The following UNC80 variants were observed in gnomAD, a reference collection of about 807,000 sequenced individuals.
The protein encoded by UNC80 is unc-80 subunit of NALCN channel complex, also known as protein unc-80 homolog.
UNC80 carries 164 observed loss-of-function variants against 384.6 expected under a neutral mutation model. The ratio of observed to expected loss-of-function variants is 0.43; its 90% CI spans 0.38 to 0.49. The LOEUF (loss-of-function observed/expected upper bound fraction) is 0.49, where lower values mean the gene tolerates loss of function less well. UNC80 is among the 20% of genes least tolerant of loss of function. The probability of loss-of-function intolerance (pLI) is 0.00; values close to 1 mark genes in which losing one functional copy is unlikely to be tolerated. For synonymous variants in UNC80, 1,486 were observed against 1,527.8 expected, an observed-to-expected ratio of 0.97 and a Z score of 0.64; for missense variants, 3,330 against 4,143.0, an observed-to-expected ratio of 0.80 and a Z score of 5.39.
At chr2:209,889,256 A>T (rs2086113632) in intron 26 of UNC80, among the ~76,000 whole-genome samples, 1 of 152,218 alleles carries the variant, frequency 6.6e-6, no homozygotes, top group African/African-American at 2.4e-5. Context: ...GACCTAGAAA[A>T]GTTATTTATG....
chr2:209,986,082 T>C (rs917209699), intron 61 of UNC80, among the ~76,000 whole-genome samples: 2 of 152,140 alleles, frequency 1.3e-5, no homozygotes, highest in African/African-American at 4.8e-5. Context: ...AGCAGGAGCT[T>C]TGGGGGCAAG....
intron 61 of UNC80, among the ~76,000 whole-genome samples, chr2:209,985,623 C>T (rs1405733947): frequency 6.6e-6 from 1 of 152,218 alleles, no homozygotes; most frequent in Non-Finnish European, 1.5e-5. Flanking sequence ...GAAAAGGGGA[C>T]TGCACCTTTA....
intron 22 of UNC80, among the ~76,000 whole-genome samples, chr2:209,857,002 C>G (rs893560776): frequency 6.6e-6 from 1 of 152,056 alleles, no homozygotes; most frequent in Admixed American, 6.6e-5. Context: ...ATTGGTCAGG[C>G]TGATCTAGAA....
intron 22 of UNC80, among the ~76,000 whole-genome samples, chr2:209,864,462 G>C (rs970167390): frequency 1.3e-5 from 2 of 152,202 alleles, no homozygotes; most frequent in African/African-American, 4.8e-5. Context: ...TCAGAGGAAA[G>C]GCTAAGTCTG....
chr2:209,944,196 C>T (rs531171695), intron 45 of UNC80, among the ~76,000 whole-genome samples: 205 of 152,288 alleles, frequency 1.3e-3, no homozygotes, highest in South Asian at 4.8e-3. Context: ...TAGACCAACT[C>T]TACAGTTTTT....
At chr2:209,809,730 C>G (rs768776974) in intron 7 of UNC80, 53 of 470,418 alleles carry the variant, frequency 1.1e-4, no homozygotes, top group Admixed American at 1.1e-3. Context: ...ATCAGCCGCA[C>G]GGGACTTTGA....
intron 28 of UNC80, among the ~76,000 whole-genome samples, chr2:209,897,557 G>A (rs1195802283): frequency 6.6e-6 from 1 of 152,030 alleles, no homozygotes; most frequent in African/African-American, 2.4e-5. Flanking sequence ...GAATCACCCT[G>A]ACGATTTTAA....
At chr2:209,829,871 ATACT>A (rs1559159154) in intron 15 of UNC80, among the ~76,000 whole-genome samples, 1 of 152,236 alleles carries the variant, frequency 6.6e-6, no homozygotes. Flanking sequence ...TGACACACAC[ATACT>A]TAATTTTTTT....
Position 209,872,545 on chromosome 2 carries a change from C to G in UNC80, c.3628-213C>G, listed in dbSNP as rs766991066. Among the ~76,000 whole-genome samples, 1 of 152,114 alleles carries G rather than the reference C, an allele frequency of 6.6e-6. No individual in the cohort carries two copies. Among genetic ancestry groups the G allele is most frequent in the Admixed American group, 6.6e-5 (1 of 15,264 alleles). On this transcript the variant is annotated intron_variant, in intron 22 of 64. Transcript: ENST00000673920. This position sits in a 1 kb window ranked among gnomAD's most constrained non-coding sequence, Gnocchi z 4.1. ...CAGAAACCTACCTAAAATGTCTAAT[C>G]CTTCAAGATCCACATTTTTGGGGGG... is the stretch of plus-strand genomic sequence containing the variant.
At chr2:209,780,663 A>G (rs777213804) in intron 4 of UNC80, among the ~76,000 whole-genome samples, 31 of 152,300 alleles carry the variant, frequency 2.0e-4, no homozygotes, top group South Asian at 1.0e-3. Flanking sequence ...TGCCAACCAC[A>G]GATGACTCCA....
chr2:209,880,938 G>A (rs2085234706), intron 24 of UNC80, 23 bp from the exon 25 acceptor site: 2 of 1,550,718 alleles, frequency 1.3e-6, no homozygotes, highest in Admixed American at 2.0e-5. Flanking sequence ...GTCTCCTTAT[G>A]AAAGAACACT....
chr2:209,914,078 G>A, intron 31 of UNC80, 138 bp downstream of exon 31: 1 of 1,075,306 alleles, frequency 9.3e-7, no homozygotes, highest in African/African-American at 1.6e-5. Flanking sequence ...GTAGACTCTA[G>A]AGCTGTGTGC....
In UNC80 at chr2:209,875,023, C is replaced by T. The variant is rs189396549; in HGVS notation, c.3840+2053C>T. Among the ~76,000 whole-genome samples the T allele has an allele frequency of 5.5e-4, 84 of 152,294 alleles. 1 individual carries two copies. The highest frequency in any genetic ancestry group is 9.3e-4 in the Non-Finnish European group (63 of 68,020). On this transcript the variant is annotated intron_variant, in intron 23 of 64. Coordinates refer to ENST00000673920, the MANE Select transcript of UNC80 (RefSeq NM_001371986.1). ...CCCTTAGGCCAGATCCCCATGACTT[C>T]TCATCTCGATGATTAAACTTTTTTC...
At chr2:209,854,500 A>G (rs1559204865) in intron 22 of UNC80, among the ~76,000 whole-genome samples, 1 of 152,200 alleles carries the variant, frequency 6.6e-6, no homozygotes, top group African/African-American at 2.4e-5. Flanking sequence ...AGAAACTATC[A>G]TCAGAATGAA....
chr2:209,972,374 T>C, intron 55 of UNC80, 50 bp downstream of exon 55: 1 of 1,539,338 alleles, frequency 6.5e-7, no homozygotes, highest in Non-Finnish European at 8.8e-7. Flanking sequence ...TGTGTTCTCT[T>C]AAATGTCAGG....
chr2:209,864,071 T>A (rs1181951007), intron 22 of UNC80, among the ~76,000 whole-genome samples: 1 of 147,270 alleles, frequency 6.8e-6, no homozygotes, highest in Non-Finnish European at 1.5e-5. Flanking sequence ...TGCCTTCTGC[T>A]TGTTTATTTT....
chr2:209,853,721 T>C (rs2082694164), intron 22 of UNC80, among the ~76,000 whole-genome samples: 3 of 152,246 alleles, frequency 2.0e-5, no homozygotes, highest in East Asian at 3.9e-4. Flanking sequence ...AATAGTCTTT[T>C]CTTATTTATC....
In UNC80 at chr2:209,990,213, C is replaced by T. The variant is rs557357997; in HGVS notation, c.9315-1953C>T. 1.6e-3 allele frequency among the ~76,000 whole-genome samples: 238 copies of T among 152,264 alleles called. 3 individuals carry two copies. Among genetic ancestry groups the T allele is most frequent in the Non-Finnish European group, 2.5e-3 (167 of 67,998 alleles). On this transcript the variant is annotated intron_variant, in intron 61 of 64. Coordinates refer to ENST00000673920, the MANE Select transcript of UNC80 (RefSeq NM_001371986.1). Reference sequence around the variant, plus strand: ...CATGCATTTCTTTTCTTTTCTTACACCATTTTTCTCACAATCACAGATTCC... The same window carrying T: ...CATGCATTTCTTTTCTTTTCTTACATCATTTTTCTCACAATCACAGATTCC...
intron 7 of UNC80, among the ~76,000 whole-genome samples, chr2:209,805,877 A>C (rs762904502): frequency 1.1e-4 from 16 of 152,212 alleles, no homozygotes; most frequent in Non-Finnish European, 2.1e-4. Context: ...ATAGAATGTG[A>C]ATAGCAGGAG....
Sources: gnomAD v4.1 joint callset for allele counts (sites outside exome capture counted in the v4.1 genomes callset) on GRCh38, gnomAD v4.1.1 for gene constraint, Gnocchi (gnomAD v3.1) non-coding constraint, MANE v1.5 for transcripts, NCBI Gene and HGNC (gene_info 2026-07-23, HGNC 2026-07-21) for gene names.